Variants in PLPP4 observed in about 807,000 individuals in gnomAD.
PLPP4 encodes phospholipid phosphatase 4, also known as diacylglycerol pyrophosphate like 2.
A neutral mutation model predicts 32.2 loss-of-function variants in PLPP4; 20 were observed. The ratio of observed to expected loss-of-function variants is 0.62; its 90% CI spans 0.44 to 0.90. PLPP4 has a LOEUF of 0.90. Among genes scored for constraint, PLPP4 ranks in the 40% least tolerant of loss-of-function variants. The pLI is 0.00. For synonymous variants in PLPP4, 127 were observed against 133.0 expected, an observed-to-expected ratio of 0.95 and a Z score of 0.31; for missense variants, 257 against 353.1, an observed-to-expected ratio of 0.73 and a Z score of 2.18.
At chr10:120,512,049 G>A (rs1336439055) in intron 2 of PLPP4, among the ~76,000 whole-genome samples, 1 of 151,710 alleles carries the variant, frequency 6.6e-6, no homozygotes, top group African/African-American at 2.4e-5. Flanking sequence ...AGCCGAGATC[G>A]CACCACTGCA....
chr10:120,494,785 C>A (rs1230061296), intron 1 of PLPP4, among the ~76,000 whole-genome samples: 3 of 152,262 alleles, frequency 2.0e-5, no homozygotes, highest in Non-Finnish European at 1.5e-5. Flanking sequence ...CCACCTCCTT[C>A]CCTGTGCATT....
rs377006966 is a variant in PLPP4 at position 120,517,502 on chromosome 10, C to A, written c.257-1331C>A. On this transcript the variant is annotated intron_variant, in intron 3 of 6. Coordinates refer to ENST00000398250, the MANE Select transcript of PLPP4 (RefSeq NM_001030059.3). ...TTTCCAAGTTCCCTCATATTCAGTT[C>A]CAATTTCTGCACCCCCATTGCATGC... Among the ~76,000 whole-genome samples, 35 of 152,256 alleles carry A rather than the reference C, an allele frequency of 2.3e-4. No individual in the cohort carries two copies. The East Asian group carries it at 4.8e-3, about 21-fold the overall frequency.
intron 5 of PLPP4, 130 bp downstream of exon 5, chr10:120,521,225 G>A (rs147246699): frequency 1.8e-4 from 207 of 1,149,926 alleles, no homozygotes; most frequent in Middle Eastern, 1.2e-3. Context: ...TTCACTTTAC[G>A]GCGTTTGACT....
intron 5 of PLPP4, among the ~76,000 whole-genome samples, chr10:120,535,520 T>C (rs1589837095): frequency 6.6e-6 from 1 of 152,154 alleles, no homozygotes; most frequent in Non-Finnish European, 1.5e-5. Context: ...GTGTGTCTTA[T>C]TCTATCGGTC....
intron 1 of PLPP4, among the ~76,000 whole-genome samples, chr10:120,475,566 A>G (rs1030510806): frequency 6.6e-6 from 1 of 152,180 alleles, no homozygotes; most frequent in Non-Finnish European, 1.5e-5. Context: ...CTGTGTATTT[A>G]TCATACTTCT....
chr10:120,582,797 CCCTCCCTTCCTT>C (rs1849579503), intron 6 of PLPP4, among the ~76,000 whole-genome samples: 1 of 127,356 alleles, frequency 7.9e-6, no homozygotes, highest in African/African-American at 3.0e-5. Context: ...CTCCCTCCCT[CCCTCCCTTCCTT>C]CCTTCCTTCC....
At chr10:120,551,900 C>G (rs1410316876) in intron 5 of PLPP4, among the ~76,000 whole-genome samples, 5 of 152,162 alleles carry the variant, frequency 3.3e-5, no homozygotes, top group Non-Finnish European at 7.3e-5. Flanking sequence ...GTCTCCTCTC[C>G]TGTCATCAAC....
intron 1 of PLPP4, among the ~76,000 whole-genome samples, chr10:120,502,320 T>C (rs1845292704): frequency 6.6e-6 from 1 of 151,744 alleles, no homozygotes; most frequent in African/African-American, 2.4e-5. Context: ...ACTTAAAACC[T>C]CAGAGTTAGG....
At chr10:120,472,747 C>T (rs1050104630) in intron 1 of PLPP4, among the ~76,000 whole-genome samples, 10 of 151,916 alleles carry the variant, frequency 6.6e-5, no homozygotes, top group Admixed American at 6.6e-4. Context: ...TTGATAATGT[C>T]CTACAGATCT....
intron 5 of PLPP4, among the ~76,000 whole-genome samples, chr10:120,527,452 A>G (rs1236439379): frequency 6.6e-6 from 1 of 152,214 alleles, no homozygotes; most frequent in Non-Finnish European, 1.5e-5. Context: ...AATACCCTCC[A>G]TAATTTCTTA....
chr10:120,568,859 G>A (rs1211895083), intron 5 of PLPP4, among the ~76,000 whole-genome samples: 1 of 152,174 alleles, frequency 6.6e-6, no homozygotes. Flanking sequence ...AGTGCAAGGA[G>A]TAACATTTAT....
intron 1 of PLPP4, among the ~76,000 whole-genome samples, chr10:120,482,440 T>C (rs1426706006): frequency 1.3e-5 from 2 of 152,148 alleles, no homozygotes; most frequent in Non-Finnish European, 2.9e-5. Flanking sequence ...CCCTAGAGAT[T>C]TGTGGAACTT....
At chr10:120,499,007 A>T (rs903404457) in intron 1 of PLPP4, among the ~76,000 whole-genome samples, 2 of 152,186 alleles carry the variant, frequency 1.3e-5, no homozygotes, top group Non-Finnish European at 2.9e-5. Flanking sequence ...TCATCCCCAA[A>T]GGCACTCTGC....
chr10:120,498,282 ACAATT>A (rs1267861828), intron 1 of PLPP4, among the ~76,000 whole-genome samples: 1 of 151,068 alleles, frequency 6.6e-6, no homozygotes. Context: ...ATCATAGTTA[ACAATT>A]CATGAATGCT....
intron 6 of PLPP4, among the ~76,000 whole-genome samples, chr10:120,583,711 C>A (rs534708577): frequency 1.3e-5 from 2 of 152,294 alleles, no homozygotes; most frequent in African/African-American, 4.8e-5. Context: ...CCATTTGTGG[C>A]TGGTGATGTT....
chr10:120,500,352 C>G (rs1845184562), intron 1 of PLPP4, among the ~76,000 whole-genome samples: 2 of 152,102 alleles, frequency 1.3e-5, no homozygotes, highest in South Asian at 4.1e-4. Context: ...GGGTGTGTGG[C>G]CATCACAGTG....
intron 1 of PLPP4, among the ~76,000 whole-genome samples, chr10:120,491,021 T>C (rs760579542): frequency 8.5e-5 from 13 of 152,112 alleles, no homozygotes; most frequent in Non-Finnish European, 1.6e-4. Context: ...TGTCCTAGAG[T>C]CTTGCTGTGT....
intron 1 of PLPP4, among the ~76,000 whole-genome samples, chr10:120,499,821 G>A (rs1006023861): frequency 6.6e-6 from 1 of 152,010 alleles, no homozygotes; most frequent in Non-Finnish European, 1.5e-5. Context: ...TAGAAGCAGG[G>A]TTCCCATTTC....
At chr10:120,459,492 T>C (rs1199020191) in intron 1 of PLPP4, among the ~76,000 whole-genome samples, 1 of 152,196 alleles carries the variant, frequency 6.6e-6, no homozygotes, top group African/African-American at 2.4e-5. Context: ...TCTGGCACCT[T>C]GACAGAGGCT....
Sources: allele counts gnomAD v4.1 joint callset (sites outside exome capture counted in the v4.1 genomes callset), GRCh38; gene constraint gnomAD v4.1.1; transcripts MANE v1.5; gene names NCBI Gene and HGNC (gene_info 2026-07-23, HGNC 2026-07-21).